FLOT2: variants seen among roughly 807,000 people sequenced by gnomAD.
FLOT2 encodes flotillin 2, also known as flotillin-2.
FLOT2 carries 35 observed loss-of-function variants against 54.9 expected under a neutral mutation model. That is an observed-to-expected ratio of 0.64 (90% confidence interval 0.49 to 0.84). The LOEUF is 0.84. Among genes scored for constraint, FLOT2 ranks in the 40% least tolerant of loss-of-function variants. The pLI is 0.00. For missense variants in FLOT2, 464 were observed against 572.1 expected, an observed-to-expected ratio of 0.81 and a Z score of 1.93; for synonymous variants, 207 against 228.9, an observed-to-expected ratio of 0.90 and a Z score of 0.86.
rs1176641685 is a variant in FLOT2 at position 28,882,638 on chromosome 17, C to T, written c.400G>A (p.Val134Met). Residue 134 changes from valine (V) to methionine (M), a missense_variant, in exon 5 of 11, where the codon GTG becomes ATG. Coordinates refer to ENST00000394908, the MANE Select transcript of FLOT2 (RefSeq NM_004475.3). This position sits in a 1 kb window ranked among gnomAD's most constrained non-coding sequence, Gnocchi z 5.6. The part of the protein sequence containing the change: ...YQDRDQFAKL[V>M]REVAAPDVGR... ...ACATCAGGGGCTGCCACCTCCCGCA[C>T]CAGCTTGGCAAACTGGTCCCGGTCC... 6.2e-7 allele frequency: 1 copy of T among 1,613,914 alleles called. No individual in the cohort carries two copies. Among genetic ancestry groups the T allele is most frequent in the Non-Finnish European group, 8.5e-7 (1 of 1,179,978 alleles).
chr17:28,882,459 G>A lies in FLOT2; in HGVS notation c.466-9C>T, dbSNP rs769558391. 3.1e-6 allele frequency: 5 copies of A among 1,612,276 alleles called. No homozygotes were observed. Among genetic ancestry groups the A allele is most frequent in the African/African-American group, 2.7e-5 (2 of 74,878 alleles). On this transcript the variant is annotated splice_polypyrimidine_tract_variant and intron_variant, in intron 5 of 10. Coordinates refer to ENST00000394908, the MANE Select transcript of FLOT2 (RefSeq NM_004475.3). The surrounding 1 kb of genome is among the most constrained non-coding windows in gnomAD (Gnocchi z 5.6). ...ACTTTGTCATACACGTCCTGGGGAG[G>A]GAAGGGGGTATCAGAGGCTCAAAGG...
chr17:28,881,094 C>T, intron 9 of FLOT2, 98 bp downstream of exon 9: 1 of 1,193,338 alleles, frequency 8.4e-7, no homozygotes, highest in Non-Finnish European at 1.2e-6. Flanking sequence ...GCCATCTGTC[C>T]CTGTGTTACT....
In FLOT2 at chr17:28,882,938, T is replaced by C; in HGVS notation, c.346+170A>G. ...GACAGCCCCCATCCCACCCCTTCACTCATACCCTCTCCTTAACTCAAGTCA... is the reference window on the plus strand; with the variant it reads ...GACAGCCCCCATCCCACCCCTTCACCCATACCCTCTCCTTAACTCAAGTCA... On this transcript the variant is annotated intron_variant, in intron 4 of 10. Transcript: ENST00000394908. This position sits in a 1 kb window ranked among gnomAD's most constrained non-coding sequence, Gnocchi z 5.6. 1 of 706,536 alleles carries C rather than the reference T, an allele frequency of 1.4e-6. No individual in the cohort carries two copies. The highest frequency in any genetic ancestry group is 1.9e-5 in the South Asian group (1 of 53,974). The allele number at this position is 706,536 out of a possible 1,614,324, so 43.8% of individuals were successfully genotyped here. A position where few individuals can be genotyped will look rare whatever the true frequency, so the allele number is the denominator to read the frequency against.
In FLOT2 at chr17:28,882,396, C is replaced by G. The variant is rs376860005; in HGVS notation, c.520G>C (p.Val174Leu). Reference sequence around the variant, plus strand: ...CCAATGTCAGCATCTCTCTGCACCACGGCAGTCTGCGTCTTGCCCAGGGAG... The same window carrying G: ...CCAATGTCAGCATCTCTCTGCACCAGGGCAGTCTGCGTCTTGCCCAGGGAG... ...LSSLGKTQTA[V>L]VQRDADIGVA... The change falls in exon 6 of 11, where the codon GTG becomes CTG. Residue 174 changes from valine to leucine, a missense_variant. Coordinates refer to ENST00000394908, the MANE Select transcript of FLOT2 (RefSeq NM_004475.3). This position sits in a 1 kb window ranked among gnomAD's most constrained non-coding sequence, Gnocchi z 5.6. The G allele has an allele frequency of 6.2e-7, 1 of 1,614,120 alleles. No individual in the cohort carries two copies. Among genetic ancestry groups the G allele is most frequent in the Non-Finnish European group, 8.5e-7 (1 of 1,180,028 alleles).
chr17:28,884,357 A>G lies in FLOT2; in HGVS notation c.132-42T>C. The G allele has an allele frequency of 7.3e-7, 1 of 1,367,802 alleles. No individual in the cohort carries two copies. The highest frequency in any genetic ancestry group is 1.0e-6 in the Non-Finnish European group (1 of 971,568). The allele number at this position is 1,367,802 out of a possible 1,614,324, so 84.7% of individuals were successfully genotyped here. A position where few individuals can be genotyped will look rare whatever the true frequency, so the allele number is the denominator to read the frequency against. On this transcript the variant is annotated intron_variant, in intron 2 of 10. Coordinates refer to ENST00000394908, the MANE Select transcript of FLOT2 (RefSeq NM_004475.3). The surrounding 1 kb of genome is among the most constrained non-coding windows in gnomAD (Gnocchi z 5.1). ...AACAGGGGCATGGGTCTGGGGGCGCAGGGCCTGGTGGTGTTGGGAAAGAGG... is the reference window on the plus strand; with the variant it reads ...AACAGGGGCATGGGTCTGGGGGCGCGGGGCCTGGTGGTGTTGGGAAAGAGG...
chr17:28,896,414 G>A (rs1016273741), intron 1 of FLOT2, among the ~76,000 whole-genome samples: 4 of 152,200 alleles, frequency 2.6e-5, no homozygotes, highest in African/African-American at 9.6e-5. Context: ...GAGCAAGTCT[G>A]CATTTAGTGT....
rs1598091820 is a variant in FLOT2, at chr17:28,884,223, A to C, written c.222+2T>G. The C allele has an allele frequency of 1.2e-6, 2 of 1,609,486 alleles. No homozygotes were observed. The highest frequency in any genetic ancestry group is 1.7e-6 in the Non-Finnish European group (2 of 1,176,090). ...ATGCGCAGGGCTGCTGAGTTACTAT[A>C]CCTGGGCGACACCCGTCACAGTTAA... On this transcript the variant is annotated splice_donor_variant, in intron 3 of 10. Coordinates refer to ENST00000394908, the MANE Select transcript of FLOT2 (RefSeq NM_004475.3). LOFTEE classifies it high-confidence loss of function. This position sits in a 1 kb window ranked among gnomAD's most constrained non-coding sequence, Gnocchi z 5.1.
intron 2 of FLOT2, 62 bp downstream of exon 2, chr17:28,888,883 G>A: frequency 8.5e-7 from 1 of 1,170,594 alleles, no homozygotes; most frequent in East Asian, 3.7e-5. Context: ...GCAGAACAAT[G>A]CTGGAAGCCC....
chr17:28,882,207 C>T lies in FLOT2; in HGVS notation c.610G>A (p.Val204Met), dbSNP rs1430303648. 6 of 1,614,098 alleles carry T rather than the reference C, an allele frequency of 3.7e-6. No individual in the cohort carries two copies. Among genetic ancestry groups the T allele is most frequent in the Middle Eastern group, 3.3e-4 (2 of 6,084 alleles). ...EAECKKEMLD[V>M]KFMADTKIAD... ...ATCTTGGTGTCTGCCATGAACTTCA[C>T]ATCCAGCATCTCCTTCTTGCACTCA... is the stretch of plus-strand genomic sequence containing the variant. The change falls in exon 7 of 11, where the codon GTG (valine) becomes ATG (methionine). Residue 204 changes from valine to methionine, a missense_variant. Val to Met is a conservative substitution (Grantham distance 21). Coordinates refer to ENST00000394908, the MANE Select transcript of FLOT2 (RefSeq NM_004475.3). This position sits in a 1 kb window ranked among gnomAD's most constrained non-coding sequence, Gnocchi z 5.6.
At chr17:28,886,057 G>GT (rs2039539233) in intron 2 of FLOT2, 2 of 612,446 alleles carry the variant, frequency 3.3e-6, no homozygotes, top group South Asian at 1.6e-5. Context: ...ACGCCTGGGG[G>GT]CGGGGGGGGG....
intron 9 of FLOT2, 142 bp from the exon 10 acceptor site, chr17:28,881,004 C>T (rs979332307): frequency 1.3e-5 from 16 of 1,199,420 alleles, no homozygotes; most frequent in African/African-American, 7.5e-5. Context: ...TGGTAAGAGA[C>T]GCCCTGTGGG....
chr17:28,890,245 C>G (rs1425084079), intron 1 of FLOT2, among the ~76,000 whole-genome samples: 1 of 151,978 alleles, frequency 6.6e-6, no homozygotes, highest in Non-Finnish European at 1.5e-5. Context: ...GTGGAGAAAG[C>G]AAAAAGGCCT....
intron 2 of FLOT2, among the ~76,000 whole-genome samples, chr17:28,885,421 G>C (rs781135323): frequency 5.9e-5 from 9 of 152,182 alleles, no homozygotes; most frequent in Non-Finnish European, 1.2e-4. Context: ...GCTTTTTATT[G>C]TTCGCTCCTG....
intron 2 of FLOT2, among the ~76,000 whole-genome samples, chr17:28,885,114 G>C (rs1434863859): frequency 1.3e-5 from 2 of 152,210 alleles, no homozygotes; most frequent in Non-Finnish European, 2.9e-5. Context: ...TGGAAGGAGA[G>C]AGGACTGCAT....
intron 2 of FLOT2, among the ~76,000 whole-genome samples, chr17:28,888,002 T>C (rs1366737916): frequency 1.3e-5 from 2 of 152,200 alleles, no homozygotes; most frequent in Non-Finnish European, 2.9e-5. Flanking sequence ...AGCAGCTTGG[T>C]GCAGACGTGA....
intron 1 of FLOT2, among the ~76,000 whole-genome samples, chr17:28,891,776 C>A (rs1019763421): frequency 1.3e-5 from 2 of 152,074 alleles, no homozygotes; most frequent in Non-Finnish European, 2.9e-5. Context: ...ATAATAGAAA[C>A]AGACACAATG....
chr17:28,885,628 G>A (rs2039526533), intron 2 of FLOT2: 3 of 717,536 alleles, frequency 4.2e-6, no homozygotes, highest in Non-Finnish European at 7.8e-6. Context: ...ACTTGGCAGA[G>A]CTTCCAGAAT....
Position 28,882,195 on chromosome 17 carries a change from C to T in FLOT2, c.622G>A (p.Ala208Thr), listed in dbSNP as rs370375368. ...TTAGAGTCAGCAATCTTGGTGTCTGCCATGAACTTCACATCCAGCATCTCC... is the reference window on the plus strand; with the variant it reads ...TTAGAGTCAGCAATCTTGGTGTCTGTCATGAACTTCACATCCAGCATCTCC... ...KKEMLDVKFM[A>T]DTKIADSKRA... The change falls in exon 7 of 11, where the codon GCA becomes ACA. Residue 208 changes from alanine to threonine, a missense_variant. Coordinates refer to ENST00000394908, the MANE Select transcript of FLOT2 (RefSeq NM_004475.3). This position sits in a 1 kb window ranked among gnomAD's most constrained non-coding sequence, Gnocchi z 5.6. 3.0e-5 allele frequency: 49 copies of T among 1,614,076 alleles called. No homozygotes were observed. The highest frequency in any genetic ancestry group is 3.9e-5 in the Non-Finnish European group (46 of 1,180,036).
In FLOT2 at chr17:28,879,558, G is replaced by A. The variant is rs2039414124; in HGVS notation, c.*1003C>T. The stretch of plus-strand genomic sequence containing the variant: ...CCTCCATTGGAGCAAGGAGACAGAG[G>A]ATTGGGTTGCTTCCCCATGGCTGGA... On this transcript the variant is annotated 3_prime_UTR_variant, in exon 11 of 11. Coordinates refer to ENST00000394908, the MANE Select transcript of FLOT2 (RefSeq NM_004475.3). 1 of 985,890 alleles carries A rather than the reference G, an allele frequency of 1.0e-6. No individual in the cohort carries two copies. 61.1% of individuals were successfully genotyped at this position (985,890 alleles called of 1,614,324 possible).
Sources: allele counts gnomAD v4.1 joint callset (sites outside exome capture counted in the v4.1 genomes callset), GRCh38; gene constraint gnomAD v4.1.1; non-coding constraint Gnocchi (gnomAD v3.1); transcripts MANE v1.5; gene names NCBI Gene and HGNC (gene_info 2026-07-23, HGNC 2026-07-21).